Variants in ATRN observed in about 807,000 individuals in gnomAD.
ATRN encodes the protein attractin.
Under a neutral mutation model 178.7 loss-of-function variants are expected in ATRN, and 54 were observed. That is an observed-to-expected ratio of 0.30 (90% CI 0.24 to 0.38). The LOEUF is 0.38. Ranked by LOEUF, ATRN falls within the 10% of genes least tolerant of loss-of-function variation. The pLI, the probability that ATRN is intolerant of heterozygous loss-of-function variation, is 1.00. For missense variants in ATRN, 1,443 were observed against 1,815.1 expected, an observed-to-expected ratio of 0.79 and a Z score of 3.73; for synonymous variants, 636 against 663.0, an observed-to-expected ratio of 0.96 and a Z score of 0.63.
intron 13 of ATRN, among the ~76,000 whole-genome samples, 156 bp from the exon 14 acceptor site, chr20:3,576,703 A>ATCTATCTG (rs2086215735): frequency 5.0e-5 from 1 of 19,884 alleles, no homozygotes; most frequent in South Asian, 2.4e-3. Flanking sequence ...CTGTCTATCT[A>ATCTATCTG]TCTATCTATC....
At chr20:3,607,981 T>G (rs1004114132) in intron 24 of ATRN, among the ~76,000 whole-genome samples, 1 of 152,230 alleles carries the variant, frequency 6.6e-6, no homozygotes. Context: ...ATGTTGAGAT[T>G]TTTTTCATAT....
intron 1 of ATRN, among the ~76,000 whole-genome samples, chr20:3,534,914 G>A (rs1371485105): frequency 1.3e-5 from 2 of 152,166 alleles, no homozygotes; most frequent in East Asian, 1.9e-4. Flanking sequence ...TGAGACCAGC[G>A]TGGGCAACAT....
chr20:3,550,817 G>A (rs908730302), intron 6 of ATRN, among the ~76,000 whole-genome samples: 1 of 152,060 alleles, frequency 6.6e-6, no homozygotes, highest in African/African-American at 2.4e-5. Context: ...GACCTGTCAG[G>A]GTCTATTCTT....
chr20:3,538,010 G>C (rs1365799492), intron 2 of ATRN, among the ~76,000 whole-genome samples: 1 of 145,268 alleles, frequency 6.9e-6, no homozygotes, highest in Admixed American at 7.0e-5. Context: ...ACATTGTGCA[G>C]GTTAGTTACA....
At chr20:3,503,982 A>G (rs943969574) in intron 1 of ATRN, among the ~76,000 whole-genome samples, 1 of 152,200 alleles carries the variant, frequency 6.6e-6, no homozygotes, top group Non-Finnish European at 1.5e-5. Context: ...TGCATTACCT[A>G]TAGGGAACAC....
At chr20:3,633,295 C>T (rs1480314985) in intron 25 of ATRN, among the ~76,000 whole-genome samples, 3 of 152,134 alleles carry the variant, frequency 2.0e-5, no homozygotes, top group Admixed American at 6.5e-5. Context: ...AGTCTGCACC[C>T]TTGTACCCCT....
chr20:3,534,947 A>G (rs1197520101), intron 1 of ATRN, among the ~76,000 whole-genome samples: 1 of 152,196 alleles, frequency 6.6e-6, no homozygotes, highest in Admixed American at 6.5e-5. Flanking sequence ...CTTTACCAAA[A>G]GGAAAAAGGA....
chr20:3,527,089 TTAAAC>T (rs1170302720), intron 1 of ATRN, among the ~76,000 whole-genome samples: 1 of 152,108 alleles, frequency 6.6e-6, no homozygotes, highest in African/African-American at 2.4e-5. Flanking sequence ...TGGGATCTAA[TTAAAC>T]TAAAGAGCTT....
intron 1 of ATRN, among the ~76,000 whole-genome samples, chr20:3,484,875 A>G (rs2084669129): frequency 6.6e-6 from 1 of 151,056 alleles, no homozygotes; most frequent in Non-Finnish European, 1.5e-5. Context: ...CTAGAAACTA[A>G]TTGATTACTA....
intron 14 of ATRN, 120 bp downstream of exon 14, chr20:3,577,117 C>T (rs868846584): frequency 2.0e-5 from 25 of 1,262,152 alleles, no homozygotes; most frequent in Middle Eastern, 2.7e-4. Flanking sequence ...TCCATTCATC[C>T]CCCACACGAG....
At chr20:3,538,340 C>T (rs1185720383) in intron 2 of ATRN, among the ~76,000 whole-genome samples, 3 of 152,108 alleles carry the variant, frequency 2.0e-5, no homozygotes, top group Admixed American at 6.5e-5. Flanking sequence ...TTTCACCCAC[C>T]ATTTCTCCTT....
At chr20:3,592,835 T>C (rs235533) in intron 19 of ATRN, among the ~76,000 whole-genome samples, 121,574 of 152,160 alleles carry the variant, frequency 0.8, 48,890 homozygotes, top group East Asian at 1. Flanking sequence ...AGTCAATACT[T>C]AGTAGATGTG....
intron 25 of ATRN, among the ~76,000 whole-genome samples, chr20:3,625,623 C>G (rs988046843): frequency 1.3e-5 from 2 of 152,072 alleles, no homozygotes; most frequent in South Asian, 2.1e-4. Context: ...TGAAAAATCT[C>G]ACAATGGTCA....
At position 3,647,414 on chromosome 20, in the gene ATRN, A is replaced by G. The variant is rs1470214516; in HGVS notation, c.*567A>G. On this transcript the variant is annotated 3_prime_UTR_variant, in exon 29 of 29. Transcript: ENST00000262919. ...TAATAATGGTCCATCTCTTTTGATC[A>G]TATCAAGCTAGGATAGAAGGGGGGC... 1 of 152,770 alleles carries G rather than the reference A, an allele frequency of 6.5e-6. No individual in the cohort carries two copies. The highest frequency in any genetic ancestry group is 1.5e-5 in the Non-Finnish European group (1 of 68,158). The allele number at this position is 152,770 out of a possible 1,614,324, so 9.5% of individuals were successfully genotyped here.
Position 3,567,205 on chromosome 20 carries a change from T to G in ATRN, c.1871+1773T>G, listed in dbSNP as rs147834652. 4.6e-5 allele frequency among the ~76,000 whole-genome samples: 7 copies of G among 152,302 alleles called. No individual in the cohort carries two copies. The East Asian group carries it at 1.2e-3, about 25-fold the overall frequency. On this transcript the variant is annotated intron_variant, in intron 11 of 28. Transcript: ENST00000262919. ...TTCTAGCAAGTGCCTCTTGAGATTTTCATCTGAAACGCAGTGGGACCATTT... is the reference window on the plus strand; with the variant it reads ...TTCTAGCAAGTGCCTCTTGAGATTTGCATCTGAAACGCAGTGGGACCATTT...
At chr20:3,497,938 G>A (rs2084903982) in intron 1 of ATRN, among the ~76,000 whole-genome samples, 1 of 151,602 alleles carries the variant, frequency 6.6e-6, no homozygotes, top group South Asian at 2.1e-4. Flanking sequence ...TAAACTGCTA[G>A]CAAGACTAAT....
intron 1 of ATRN, among the ~76,000 whole-genome samples, chr20:3,485,245 C>T (rs2084674261): frequency 6.6e-6 from 1 of 152,116 alleles, no homozygotes; most frequent in South Asian, 2.1e-4. Flanking sequence ...TTCTCCTGTT[C>T]CCCATGTTGA....
In ATRN at chr20:3,545,042, T is replaced by A. The variant is rs1414086584; in HGVS notation, c.609-720T>A. Among the ~76,000 whole-genome samples, 4 of 152,090 alleles carry A rather than the reference T, an allele frequency of 2.6e-5. No homozygotes were observed. In the East Asian group the frequency reaches 7.7e-4, roughly 29 times the overall value. ...ACAGTGTTGGAGTTATGGGTGTTTG[T>A]TTAGCTTCTTCGTATTCTTATATAA... On this transcript the variant is annotated intron_variant, in intron 3 of 28. Coordinates refer to ENST00000262919, the MANE Select transcript of ATRN (RefSeq NM_139321.3).
Position 3,647,988 on chromosome 20 carries a change from G to C in ATRN, c.*1141G>C, listed in dbSNP as rs2087119496. 1 of 152,240 alleles carries C rather than the reference G, an allele frequency of 6.6e-6. No homozygotes were observed. The highest frequency in any genetic ancestry group is 1.5e-5 in the Non-Finnish European group (1 of 68,096). 9.4% of individuals were successfully genotyped at this position (152,240 alleles called of 1,614,324 possible). On this transcript the variant is annotated 3_prime_UTR_variant, in exon 29 of 29. Coordinates refer to ENST00000262919, the MANE Select transcript of ATRN (RefSeq NM_139321.3). Reference sequence around the variant, plus strand: ...GTCACGCTTCCTTGAGCAGAAAAGAGCACTGAGAGCACTTGGGACCCCTGG... The same window carrying C: ...GTCACGCTTCCTTGAGCAGAAAAGACCACTGAGAGCACTTGGGACCCCTGG...
Sources: allele counts gnomAD v4.1 joint callset (sites outside exome capture counted in the v4.1 genomes callset), GRCh38; gene constraint gnomAD v4.1.1; transcripts MANE v1.5; gene names NCBI Gene and HGNC (gene_info 2026-07-23, HGNC 2026-07-21).